SMAP2: variants seen among roughly 807,000 people sequenced by gnomAD.
The protein encoded by SMAP2 is small ArfGAP2.
In SMAP2, 25 loss-of-function variants were observed where a neutral mutation model predicts 56.4. That is an observed-to-expected ratio of 0.44 (90% CI 0.32 to 0.62). The LOEUF (loss-of-function observed/expected upper bound fraction) is 0.62, where lower values mean the gene tolerates loss of function less well. SMAP2 is among the 20% of genes least tolerant of loss of function. The pLI is 0.04. For missense variants in SMAP2, 388 were observed against 545.6 expected (o/e 0.71, Z 2.88); for synonymous variants, 157 against 181.7 (o/e 0.86, Z 1.09).
chr1:40,398,971 T>C (rs1252610705), intron 1 of SMAP2, among the ~76,000 whole-genome samples: 1 of 152,110 alleles, frequency 6.6e-6, no homozygotes, highest in Non-Finnish European at 1.5e-5. Flanking sequence ...AATTAGATAG[T>C]AACAAAATAT....
chr1:40,415,879 A>T (rs1644981899), intron 7 of SMAP2, among the ~76,000 whole-genome samples: 1 of 152,208 alleles, frequency 6.6e-6, no homozygotes, highest in South Asian at 2.1e-4. Context: ...GCCTGTGGTT[A>T]TACTAGTAAA....
chr1:40,349,666 G>A (rs557307674), intron 1 of SMAP2, among the ~76,000 whole-genome samples: 6 of 151,988 alleles, frequency 3.9e-5, no homozygotes, highest in African/African-American at 7.2e-5. Context: ...TTACAGGCAC[G>A]TGCCACCACA....
rs979491037 is a variant in SMAP2, at chr1:40,385,057, C to T, written c.103+10834C>T. Among the ~76,000 whole-genome samples, 1 of 152,052 alleles carries T rather than the reference C, an allele frequency of 6.6e-6. No homozygotes were observed. Among genetic ancestry groups the T allele is most frequent in the Non-Finnish European group, 1.5e-5 (1 of 67,998 alleles). ...TGCAGGTCTCTCCCCAGTGGAAAGC[C>T]CCAGAGATGAGCCAGATCTGCCTCA... On this transcript the variant is annotated intron_variant, in intron 1 of 9. Transcript: ENST00000372718. The surrounding 1 kb of genome is among the most constrained non-coding windows in gnomAD (Gnocchi z 4.5).
chr1:40,414,299 C>T lies in SMAP2; in HGVS notation c.571+59C>T, dbSNP rs1557464078. On this transcript the variant is annotated intron_variant, in intron 6 of 9. Coordinates refer to ENST00000372718, the MANE Select transcript of SMAP2 (RefSeq NM_022733.3). ...ACAAATTTTGATAAATTCTCAGTGA[C>T]CCTGGAAGATAGGTAGAGATGGGGT... 2.0e-6 allele frequency: 3 copies of T among 1,513,938 alleles called. No individual in the cohort carries two copies. The East Asian group carries it at 6.8e-5, about 34-fold the overall frequency. The allele number at this position is 1,513,938 out of a possible 1,614,324, so 93.8% of individuals were successfully genotyped here.
rs144602351 is a variant in SMAP2, at chr1:40,385,077, G to A, written c.103+10854G>A. ...AAAGCCCCAGAGATGAGCCAGATCTGCCTCAGCTGTGGCCATCCGTCAGCG... is the reference window on the plus strand; with the variant it reads ...AAAGCCCCAGAGATGAGCCAGATCTACCTCAGCTGTGGCCATCCGTCAGCG... On this transcript the variant is annotated intron_variant, in intron 1 of 9. Transcript: ENST00000372718. This position sits in a 1 kb window ranked among gnomAD's most constrained non-coding sequence, Gnocchi z 4.5. Among the ~76,000 whole-genome samples, 1 of 152,152 alleles carries A rather than the reference G, an allele frequency of 6.6e-6. No individual in the cohort carries two copies. The highest frequency in any genetic ancestry group is 1.9e-4 in the East Asian group (1 of 5,180).
At chr1:40,387,872 C>A (rs906515251) in intron 1 of SMAP2, among the ~76,000 whole-genome samples, 1 of 148,304 alleles carries the variant, frequency 6.7e-6, no homozygotes, top group Non-Finnish European at 1.5e-5. Context: ...CTCCGGGAAC[C>A]GGGGCTGTGT....
rs957120269 is a variant in SMAP2 at position 40,374,277 on chromosome 1, G to T, written c.103+54G>T. 4 of 1,464,456 alleles carry T rather than the reference G, an allele frequency of 2.7e-6. No homozygotes were observed. The highest frequency in any genetic ancestry group is 1.7e-4 in the Middle Eastern group (1 of 5,816). The allele number at this position is 1,464,456 out of a possible 1,614,324, so 90.7% of individuals were successfully genotyped here. A position where few individuals can be genotyped will look rare whatever the true frequency, so the allele number is the denominator to read the frequency against. ...GTCCAGCCGCGCCGGGGTGGTGGGG[G>T]TGGGCTGCGTGAAGAGGCGGTTTCT... On this transcript the variant is annotated intron_variant, in intron 1 of 9. Transcript: ENST00000372718. This position sits in a 1 kb window ranked among gnomAD's most constrained non-coding sequence, Gnocchi z 5.9.
At chr1:40,421,568 T>C (rs1645042885) in intron 9 of SMAP2, among the ~76,000 whole-genome samples, 1 of 151,664 alleles carries the variant, frequency 6.6e-6, no homozygotes, top group Admixed American at 6.6e-5. Context: ...CTGACAGTAA[T>C]AGCTGTGCTG....
intron 1 of SMAP2, among the ~76,000 whole-genome samples, chr1:40,381,854 G>T (rs1486745057): frequency 6.6e-6 from 1 of 152,200 alleles, no homozygotes; most frequent in Non-Finnish European, 1.5e-5. Flanking sequence ...ATTCTCCATT[G>T]AAATGTACCT....
chr1:40,383,061 T>C (rs898584911), intron 1 of SMAP2, among the ~76,000 whole-genome samples: 3 of 152,204 alleles, frequency 2.0e-5, no homozygotes, highest in Non-Finnish European at 2.9e-5. Context: ...GTTGGTCTTA[T>C]AAGCAGAGGG....
intron 2 of SMAP2, chr1:40,362,500 T>G (rs1230255121): frequency 6.6e-6 from 1 of 152,252 alleles, no homozygotes. Context: ...TACAGAATTC[T>G]GGGTTGGCAA....
At chr1:40,345,966 C>CTTTTTTTTTTTTTTTTTTTTTTTT (rs71060369) in intron 1 of SMAP2, among the ~76,000 whole-genome samples, 1 of 35,342 alleles carries the variant, frequency 2.8e-5, no homozygotes, top group Non-Finnish European at 7.5e-5. Flanking sequence ...ATTTCTATCA[C>CTTTTTTTTTTTTTTTTTTTTTTTT]TTTTTTTTTT....
chr1:40,358,585 T>G (rs992765501), intron 1 of SMAP2, among the ~76,000 whole-genome samples: 7 of 152,136 alleles, frequency 4.6e-5, no homozygotes, highest in Non-Finnish European at 1.0e-4. Context: ...GTGCTGGGAT[T>G]ACAGGCATGA....
At chr1:40,399,123 C>T (rs962688696) in intron 1 of SMAP2, among the ~76,000 whole-genome samples, 1 of 151,972 alleles carries the variant, frequency 6.6e-6, no homozygotes, top group Non-Finnish European at 1.5e-5. Flanking sequence ...GACCCTGTCT[C>T]TTTTTTATTT....
chr1:40,411,718 A>G (rs1424059767), intron 4 of SMAP2, among the ~76,000 whole-genome samples: 1 of 152,218 alleles, frequency 6.6e-6, no homozygotes, highest in African/African-American at 2.4e-5. Context: ...GTTAAAAACT[A>G]TTCTTTTTAT....
chr1:40,421,937 C>T, intron 9 of SMAP2, 39 bp from the exon 10 acceptor site: 1 of 1,613,226 alleles, frequency 6.2e-7, no homozygotes. Context: ...TGGCGGAATG[C>T]CCACAGCCTG....
chr1:40,353,323 G>A (rs965708523), intron 1 of SMAP2, among the ~76,000 whole-genome samples: 1 of 152,186 alleles, frequency 6.6e-6, no homozygotes, highest in African/African-American at 2.4e-5. Context: ...ATTTACATGA[G>A]CAGCAGTTCT....
chr1:40,399,108 A>G (rs1015544604), intron 1 of SMAP2, among the ~76,000 whole-genome samples: 41 of 152,134 alleles, frequency 2.7e-4, no homozygotes, highest in Admixed American at 2.4e-3. Flanking sequence ...TGAGCAACAT[A>G]GTGAGACCCT....
Position 40,422,172 on chromosome 1 carries a change from AC to A in SMAP2, c.*76del, listed in dbSNP as rs1645050282. ...CCCCTTTCCACAGCCTCCACCCCTG[AC>A]CCCCATCCTCTTTTCCTACCTCTCT... On this transcript the variant is annotated 3_prime_UTR_variant, in exon 10 of 10. Transcript: ENST00000372718. The A allele has an allele frequency of 6.3e-6, 10 of 1,580,314 alleles. No individual in the cohort carries two copies. The East Asian group carries it at 2.1e-4, about 32-fold the overall frequency.
Sources: allele counts gnomAD v4.1 joint callset (sites outside exome capture counted in the v4.1 genomes callset), GRCh38; gene constraint gnomAD v4.1.1; non-coding constraint Gnocchi (gnomAD v3.1); transcripts MANE v1.5; gene names NCBI Gene and HGNC (gene_info 2026-07-23, HGNC 2026-07-21).